The following ADAMTSL1 variants were observed in gnomAD, a reference collection of about 807,000 sequenced individuals.
The protein encoded by ADAMTSL1 is ADAMTS-like protein 1.
Under a neutral mutation model 201.8 loss-of-function variants are expected in ADAMTSL1, and 126 were observed. The ratio of observed to expected loss-of-function variants is 0.62; its 90% CI spans 0.54 to 0.72. ADAMTSL1 has a LOEUF of 0.72. Among genes scored for constraint, ADAMTSL1 ranks in the 30% least tolerant of loss-of-function variants. The pLI is 0.00. For synonymous variants in ADAMTSL1, 1,121 were observed against 903.4 expected (o/e 1.24, Z -4.32); for missense variants, 2,679 against 2,277.8 (o/e 1.18, Z -3.59).
chr9:17,957,797 G>A (rs150582892), intron 1 of ADAMTSL1, among the ~76,000 whole-genome samples: 1 of 152,288 alleles, frequency 6.6e-6, no homozygotes, highest in African/African-American at 2.4e-5. Flanking sequence ...TGGAGGTGGA[G>A]ATTGGAATGA....
intron 9 of ADAMTSL1, among the ~76,000 whole-genome samples, chr9:18,673,190 G>A (rs1395942160): frequency 5.3e-5 from 8 of 151,864 alleles, no homozygotes; most frequent in African/African-American, 1.7e-4. Context: ...TTAAAGTCCC[G>A]AAATTACATT....
chr9:18,163,294 C>T (rs1218158767), intron 1 of ADAMTSL1, among the ~76,000 whole-genome samples: 2 of 151,988 alleles, frequency 1.3e-5, no homozygotes, highest in Non-Finnish European at 2.9e-5. Flanking sequence ...ACAAGATAAC[C>T]TGTGTAAAGA....
At chr9:18,212,161 A>C (rs113884250) in intron 2 of ADAMTSL1, among the ~76,000 whole-genome samples, 7 of 152,144 alleles carry the variant, frequency 4.6e-5, no homozygotes, top group African/African-American at 1.7e-4. Flanking sequence ...TCTTGCGCCC[A>C]TGTTTAATCT....
At chr9:18,681,699 G>A (rs142135501) in intron 11 of ADAMTSL1, 113 bp from the exon 12 acceptor site, 34 of 287,354 alleles carry the variant, frequency 1.2e-4, no homozygotes, top group African/African-American at 4.2e-4. Context: ...TCCTCGTGTG[G>A]GGGGGGGGGG....
chr9:18,130,326 A>G (rs1473305278), intron 1 of ADAMTSL1, among the ~76,000 whole-genome samples: 2 of 152,198 alleles, frequency 1.3e-5, no homozygotes, highest in African/African-American at 2.4e-5. Flanking sequence ...CTTGAAATGG[A>G]GAAAAGCATT....
chr9:17,916,583 C>G (rs890576638), intron 1 of ADAMTSL1, among the ~76,000 whole-genome samples: 1 of 152,134 alleles, frequency 6.6e-6, no homozygotes, highest in South Asian at 2.1e-4. Context: ...CCTTTCTCCA[C>G]TGAATTGTCT....
At chr9:18,286,197 T>C (rs1587470884) in intron 2 of ADAMTSL1, among the ~76,000 whole-genome samples, 1 of 152,146 alleles carries the variant, frequency 6.6e-6, no homozygotes, top group Admixed American at 6.5e-5. Flanking sequence ...TGTGTGAAAT[T>C]TGGAGGGAAA....
At chr9:18,154,805 A>G (rs1827078792) in intron 1 of ADAMTSL1, among the ~76,000 whole-genome samples, 1 of 152,076 alleles carries the variant, frequency 6.6e-6, no homozygotes, top group African/African-American at 2.4e-5. Context: ...GTGGACATTG[A>G]AGAATGCTTG....
At chr9:18,900,023 A>C (rs998638097) in intron 26 of ADAMTSL1, among the ~76,000 whole-genome samples, 1 of 152,208 alleles carries the variant, frequency 6.6e-6, no homozygotes, top group Non-Finnish European at 1.5e-5. Flanking sequence ...ATAGGAGAAA[A>C]ATTTTGCAAT....
intron 9 of ADAMTSL1, among the ~76,000 whole-genome samples, chr9:18,666,920 G>A (rs1829470033): frequency 1.3e-5 from 2 of 151,172 alleles, no homozygotes; most frequent in South Asian, 4.2e-4. Context: ...CACTTTGTGA[G>A]ACAATCAGAG....
At chr9:18,553,116 G>C (rs990396086) in intron 3 of ADAMTSL1, among the ~76,000 whole-genome samples, 2 of 150,510 alleles carry the variant, frequency 1.3e-5, no homozygotes, top group African/African-American at 4.9e-5. Flanking sequence ...GATAAAATTA[G>C]ACTTATTTCT....
chr9:18,125,997 C>G (rs531104295), intron 1 of ADAMTSL1, among the ~76,000 whole-genome samples: 1 of 152,276 alleles, frequency 6.6e-6, no homozygotes, highest in South Asian at 2.1e-4. Context: ...GTGTGAACAT[C>G]ATGCCAGTAG....
chr9:18,480,798 T>C (rs1384806429), intron 1 of ADAMTSL1, among the ~76,000 whole-genome samples: 1 of 152,118 alleles, frequency 6.6e-6, no homozygotes, highest in East Asian at 1.9e-4. Flanking sequence ...GTGTGATAAG[T>C]AGTTGGGGGT....
At chr9:18,417,367 G>GA (rs80226819) in intron 2 of ADAMTSL1, among the ~76,000 whole-genome samples, 12,802 of 64,364 alleles carry the variant, frequency 0.2, 931 homozygotes, top group East Asian at 0.49. Flanking sequence ...AAGTAAGCAG[G>GA]AAAAAAAAAA....
At chr9:18,302,518 T>C (rs558553248) in intron 2 of ADAMTSL1, among the ~76,000 whole-genome samples, 62 of 152,216 alleles carry the variant, frequency 4.1e-4, no homozygotes, top group Non-Finnish European at 7.5e-4. Context: ...TGCCTCTATA[T>C]CAAAATTGTA....
chr9:18,832,213 C>G (rs907365348), intron 23 of ADAMTSL1, among the ~76,000 whole-genome samples: 4 of 152,182 alleles, frequency 2.6e-5, no homozygotes, highest in Non-Finnish European at 4.4e-5. Context: ...TCCTGAACTT[C>G]CCCAGCTAGT....
chr9:18,170,931 T>A (rs905634812), intron 2 of ADAMTSL1, among the ~76,000 whole-genome samples: 2 of 152,094 alleles, frequency 1.3e-5, no homozygotes, highest in Admixed American at 6.6e-5. Context: ...CTTATCAATA[T>A]CCCTCAGGAT....
intron 3 of ADAMTSL1, 40 bp from the exon 4 acceptor site, chr9:18,573,990 C>T: frequency 6.4e-7 from 1 of 1,555,306 alleles, no homozygotes. Context: ...TGGGGGTATC[C>T]TCCTAACCTT....
chr9:18,046,035 G>T (rs181993758), intron 1 of ADAMTSL1, among the ~76,000 whole-genome samples: 17 of 152,268 alleles, frequency 1.1e-4, no homozygotes, highest in Admixed American at 1.0e-3. Context: ...ATTGTGGAAA[G>T]AATTGTCTTG....
Sources: allele counts gnomAD v4.1 joint callset (sites outside exome capture counted in the v4.1 genomes callset), GRCh38; gene constraint gnomAD v4.1.1; transcripts MANE v1.5; gene names NCBI Gene and HGNC (gene_info 2026-07-23, HGNC 2026-07-21).